Variants in ASCC3 observed in about 807,000 individuals in gnomAD.
The protein encoded by ASCC3 is activating signal cointegrator 1 complex subunit 3, also known as ASC-1 complex subunit P200.
A neutral mutation model predicts 256.3 loss-of-function variants in ASCC3; 158 were observed. The ratio of observed to expected loss-of-function variants is 0.62; its 90% CI spans 0.54 to 0.70. The LOEUF (loss-of-function observed/expected upper bound fraction) is 0.70. Ranked by LOEUF, ASCC3 falls within the 30% of genes least tolerant of loss-of-function variation. The pLI, the probability that ASCC3 is intolerant of heterozygous loss-of-function variation, is 0.00. For synonymous variants in ASCC3, 948 were observed against 883.4 expected (o/e 1.07, Z -1.30); for missense variants, 2,259 against 2,626.0 (o/e 0.86, Z 3.05).
intron 39 of ASCC3, among the ~76,000 whole-genome samples, chr6:100,515,322 ACAGT>A (rs1298911260): frequency 6.6e-6 from 1 of 152,208 alleles, no homozygotes; most frequent in African/African-American, 2.4e-5. Flanking sequence ...CAGAAACTGA[ACAGT>A]CAATCAGACA....
intron 36 of ASCC3, among the ~76,000 whole-genome samples, chr6:100,567,116 T>C (rs1770302040): frequency 6.6e-6 from 1 of 152,048 alleles, no homozygotes; most frequent in African/African-American, 2.4e-5. Flanking sequence ...TTTAAATATA[T>C]AATTTACTTA....
chr6:100,816,490 A>C (rs1264425704), intron 4 of ASCC3, among the ~76,000 whole-genome samples: 3 of 152,202 alleles, frequency 2.0e-5, no homozygotes, highest in African/African-American at 7.2e-5. Context: ...TCACAATAGC[A>C]AAGATATGGA....
At chr6:100,637,122 C>T (rs1774882168) in intron 25 of ASCC3, among the ~76,000 whole-genome samples, 1 of 152,150 alleles carries the variant, frequency 6.6e-6, no homozygotes, top group Non-Finnish European at 1.5e-5. Context: ...CAATGCCTGA[C>T]TTCAAAGCTT....
At chr6:100,528,658 G>A (rs1364693227) in intron 37 of ASCC3, among the ~76,000 whole-genome samples, 1 of 152,012 alleles carries the variant, frequency 6.6e-6, no homozygotes, top group African/African-American at 2.4e-5. Context: ...AAAAATACTT[G>A]GGTGTTAAGG....
intron 13 of ASCC3, among the ~76,000 whole-genome samples, chr6:100,707,187 T>C (rs1778626564): frequency 6.6e-6 from 1 of 152,118 alleles, no homozygotes; most frequent in East Asian, 1.9e-4. Flanking sequence ...ACCCAGTCTT[T>C]TGTGGTAGGA....
intron 4 of ASCC3, among the ~76,000 whole-genome samples, chr6:100,807,820 C>T (rs765732067): frequency 6.6e-6 from 1 of 151,606 alleles, no homozygotes; most frequent in Non-Finnish European, 1.5e-5. Context: ...TAAAATTACT[C>T]CTACTATATA....
chr6:100,775,263 A>G (rs1782131673), intron 8 of ASCC3, among the ~76,000 whole-genome samples: 1 of 152,160 alleles, frequency 6.6e-6, no homozygotes, highest in African/African-American at 2.4e-5. Flanking sequence ...AGAAATAATA[A>G]ATTTATCTTC....
intron 4 of ASCC3, among the ~76,000 whole-genome samples, chr6:100,827,608 T>G (rs1396235702): frequency 6.6e-6 from 1 of 152,194 alleles, no homozygotes; most frequent in East Asian, 1.9e-4. Flanking sequence ...CTTCCAAGTT[T>G]TGGCAATTAA....
chr6:100,595,113 G>A (rs1055474758), intron 34 of ASCC3, among the ~76,000 whole-genome samples: 2 of 152,080 alleles, frequency 1.3e-5, no homozygotes, highest in African/African-American at 4.8e-5. Flanking sequence ...TTAGACAGAA[G>A]GAATAAGTTC....
intron 4 of ASCC3, among the ~76,000 whole-genome samples, chr6:100,836,372 A>G: frequency 6.6e-6 from 1 of 152,112 alleles, no homozygotes; most frequent in East Asian, 1.9e-4. Context: ...ATATCATGTT[A>G]GCTATAGGTT....
intron 10 of ASCC3, 112 bp from the exon 11 acceptor site, chr6:100,725,815 G>T: frequency 9.3e-7 from 1 of 1,078,418 alleles, no homozygotes; most frequent in South Asian, 1.3e-5. Context: ...CAAATAAAAA[G>T]TGTTTAGAAT....
chr6:100,558,062 C>A (rs1164259442), intron 36 of ASCC3, among the ~76,000 whole-genome samples: 28 of 146,580 alleles, frequency 1.9e-4, no homozygotes, highest in East Asian at 9.8e-4. Context: ...GATAATCCCT[C>A]ACTTCTTTGA....
chr6:100,553,954 T>A (rs889114275), intron 36 of ASCC3, among the ~76,000 whole-genome samples: 1 of 152,208 alleles, frequency 6.6e-6, no homozygotes, highest in Admixed American at 6.5e-5. Flanking sequence ...CACACCCTTA[T>A]GTCACATAAC....
chr6:100,628,039 C>A, intron 27 of ASCC3, 52 bp from the exon 28 acceptor site: 2 of 1,563,200 alleles, frequency 1.3e-6, no homozygotes, highest in South Asian at 1.1e-5. Context: ...CTGTGTTGGT[C>A]ATTGCAGCAA....
chr6:100,829,270 G>A (rs373519050), intron 4 of ASCC3, among the ~76,000 whole-genome samples: 40 of 152,238 alleles, frequency 2.6e-4, no homozygotes, highest in South Asian at 1.7e-3. Flanking sequence ...ACTGGGCACC[G>A]TGGAGCAGGG....
rs1264177098 is a variant in ASCC3 at position 100,518,191 on chromosome 6, C to A, written c.5776-49G>T. The A allele has an allele frequency of 2.5e-6, 4 of 1,598,752 alleles. No individual in the cohort carries two copies. The South Asian group carries it at 3.3e-5, about 13-fold the overall frequency. Reference sequence around the variant, plus strand: ...TACAAGAATTATATCATGGTACTTGCCCCCTCCACTGGGATTCTGATGTTA... The same window carrying A: ...TACAAGAATTATATCATGGTACTTGACCCCTCCACTGGGATTCTGATGTTA... On this transcript the variant is annotated intron_variant, in intron 37 of 41. Coordinates refer to ENST00000369162, the MANE Select transcript of ASCC3 (RefSeq NM_006828.4).
chr6:100,763,027 T>C (rs1781485118), intron 10 of ASCC3, among the ~76,000 whole-genome samples: 1 of 152,178 alleles, frequency 6.6e-6, no homozygotes, highest in African/African-American at 2.4e-5. Flanking sequence ...ACATGAATAA[T>C]TAAGAAGCTT....
chr6:100,655,569 A>T, intron 17 of ASCC3, 130 bp downstream of exon 17: 1 of 1,062,028 alleles, frequency 9.4e-7, no homozygotes, highest in Non-Finnish European at 1.3e-6. Context: ...GAAAAATATT[A>T]AATCTCTTGT....
At chr6:100,830,650 A>G (rs1314587221) in intron 4 of ASCC3, among the ~76,000 whole-genome samples, 1 of 152,204 alleles carries the variant, frequency 6.6e-6, no homozygotes, top group African/African-American at 2.4e-5. Flanking sequence ...TCTTTGTAAA[A>G]AAACAAAAAC....
Sources: gnomAD v4.1 joint callset for allele counts (sites outside exome capture counted in the v4.1 genomes callset) on GRCh38, gnomAD v4.1.1 for gene constraint, MANE v1.5 for transcripts, NCBI Gene and HGNC (gene_info 2026-07-23, HGNC 2026-07-21) for gene names.